ANKS1B: variants seen among roughly 807,000 people sequenced by gnomAD.
The protein encoded by ANKS1B is ankyrin repeat and sterile alpha motif domain-containing protein 1B.
ANKS1B carries 36 observed loss-of-function variants against 148.3 expected under a neutral mutation model. The ratio of observed to expected loss-of-function variants is 0.24; its 90% confidence interval spans 0.19 to 0.32. ANKS1B has a LOEUF of 0.32. Among genes scored for constraint, ANKS1B ranks in the 10% least tolerant of loss-of-function variants. The pLI is 1.00. For missense variants in ANKS1B, 1,157 were observed against 1,542.6 expected (o/e 0.75, Z 4.19); for synonymous variants, 542 against 560.8 (o/e 0.97, Z 0.47).
chr12:99,677,188 C>A (rs2098580007), intron 8 of ANKS1B, among the ~76,000 whole-genome samples: 1 of 152,150 alleles, frequency 6.6e-6, no homozygotes, highest in Non-Finnish European at 1.5e-5. Flanking sequence ...CTTTCATAGC[C>A]TAGACCTAAT....
chr12:99,025,112 T>C (rs2099948012), intron 17 of ANKS1B, among the ~76,000 whole-genome samples: 1 of 152,182 alleles, frequency 6.6e-6, no homozygotes, highest in Non-Finnish European at 1.5e-5. Context: ...AACTTTGTTT[T>C]CTTGTGGCTT....
At chr12:99,038,235 C>T (rs913865469) in intron 17 of ANKS1B, among the ~76,000 whole-genome samples, 1 of 152,062 alleles carries the variant, frequency 6.6e-6, no homozygotes, top group Non-Finnish European at 1.5e-5. Flanking sequence ...TTTACCATGT[C>T]CAAATGGAAC....
intron 8 of ANKS1B, among the ~76,000 whole-genome samples, chr12:99,694,809 G>T (rs552998104): frequency 6.6e-6 from 1 of 152,172 alleles, no homozygotes; most frequent in Admixed American, 6.5e-5. Flanking sequence ...CCTATTCCTA[G>T]TGCCAAACTT....
chr12:99,423,332 T>C (rs890490672), intron 11 of ANKS1B, among the ~76,000 whole-genome samples: 2 of 152,156 alleles, frequency 1.3e-5, no homozygotes, highest in East Asian at 3.9e-4. Context: ...ACTCAAAAAA[T>C]AACAGATGTT....
At chr12:99,668,691 T>C (rs1232343234) in intron 8 of ANKS1B, among the ~76,000 whole-genome samples, 5 of 151,546 alleles carry the variant, frequency 3.3e-5, no homozygotes, top group African/African-American at 7.3e-5. Context: ...TCATTCAAGT[T>C]AGAAATTTTT....
intron 14 of ANKS1B, among the ~76,000 whole-genome samples, chr12:99,189,838 C>A (rs1351998905): frequency 6.6e-6 from 1 of 152,090 alleles, no homozygotes; most frequent in African/African-American, 2.4e-5. Context: ...AAGTTCTGGC[C>A]AGGGCAATCA....
At chr12:99,754,095 C>G (rs547687123) in intron 8 of ANKS1B, among the ~76,000 whole-genome samples, 1 of 151,938 alleles carries the variant, frequency 6.6e-6, no homozygotes, top group Non-Finnish European at 1.5e-5. Context: ...CATTGGTATG[C>G]TGTTTGCAAG....
At chr12:99,411,935 A>G (rs2094722000) in intron 11 of ANKS1B, among the ~76,000 whole-genome samples, 1 of 152,170 alleles carries the variant, frequency 6.6e-6, no homozygotes, top group Admixed American at 6.6e-5. Flanking sequence ...ATACTTATTG[A>G]CCATTATCAG....
At chr12:99,649,737 C>G (rs759271154) in intron 9 of ANKS1B, 1 of 213,354 alleles carries the variant, frequency 4.7e-6, no homozygotes, top group Non-Finnish European at 9.4e-6. Context: ...CTGGCCTCTC[C>G]CTAGAGAGCA....
chr12:99,893,957 C>T (rs998554936), intron 1 of ANKS1B, among the ~76,000 whole-genome samples: 7 of 151,676 alleles, frequency 4.6e-5, no homozygotes, highest in Admixed American at 2.6e-4. Context: ...CATACGGAGC[C>T]CAACTTTTAA....
chr12:99,391,641 AT>A (rs1319618218), intron 12 of ANKS1B, among the ~76,000 whole-genome samples: 3 of 152,148 alleles, frequency 2.0e-5, no homozygotes, highest in African/African-American at 7.2e-5. Context: ...ATATCAACTA[AT>A]TTCATTTGGA....
intron 17 of ANKS1B, among the ~76,000 whole-genome samples, chr12:98,987,450 TA>T (rs2099924134): frequency 6.6e-6 from 1 of 152,104 alleles, no homozygotes; most frequent in Non-Finnish European, 1.5e-5. Flanking sequence ...CTTGCAATAG[TA>T]GCAAAATAAT....
At chr12:99,932,244 T>C (rs1263180452) in intron 1 of ANKS1B, among the ~76,000 whole-genome samples, 3 of 152,194 alleles carry the variant, frequency 2.0e-5, no homozygotes, top group Admixed American at 6.5e-5. Flanking sequence ...GGTGTAAATA[T>C]GTCTTTGATA....
At chr12:98,945,574 A>G (rs2099844245) in intron 17 of ANKS1B, among the ~76,000 whole-genome samples, 1 of 150,900 alleles carries the variant, frequency 6.6e-6, no homozygotes, top group Non-Finnish European at 1.5e-5. Flanking sequence ...AACTAGCAGC[A>G]TTTCATATTC....
At chr12:99,649,137 C>T (rs948531208) in intron 9 of ANKS1B, 19 of 677,388 alleles carry the variant, frequency 2.8e-5, no homozygotes, top group East Asian at 2.3e-4. Context: ...TGTTGTAGGA[C>T]GTGTCTCCCT....
intron 15 of ANKS1B, among the ~76,000 whole-genome samples, chr12:99,134,584 A>G (rs985375927): frequency 1.5e-5 from 2 of 130,848 alleles, no homozygotes; most frequent in Non-Finnish European, 3.3e-5. Context: ...CCCCACCCCA[A>G]TCTCTCTTTC....
chr12:99,276,608 T>G (rs995796959), intron 12 of ANKS1B, among the ~76,000 whole-genome samples: 2 of 152,164 alleles, frequency 1.3e-5, no homozygotes, highest in Non-Finnish European at 2.9e-5. Flanking sequence ...ACTTCCAGCC[T>G]CCAGAACTGT....
intron 8 of ANKS1B, among the ~76,000 whole-genome samples, chr12:99,684,285 A>G (rs183464443): frequency 1.3e-5 from 2 of 151,836 alleles, no homozygotes; most frequent in African/African-American, 4.8e-5. Context: ...AAATCAATAT[A>G]TACAAATCAG....
At chr12:99,667,464 CATTTTAGGTCTAGTTGCTTTCCTATAGAT>C (rs1163724190) in intron 8 of ANKS1B, among the ~76,000 whole-genome samples, 1 of 152,098 alleles carries the variant, frequency 6.6e-6, no homozygotes, top group African/African-American at 2.4e-5. Flanking sequence ...ATCTTGCACA[CATTTTAGGTCTAGTTGCTTTCCTATAGAT>C]ATTTTAGGAT....
Sources: allele counts gnomAD v4.1 joint callset (sites outside exome capture counted in the v4.1 genomes callset), GRCh38; gene constraint gnomAD v4.1.1; transcripts MANE v1.5; gene names NCBI Gene and HGNC (gene_info 2026-07-23, HGNC 2026-07-21).